Variants in GRIK2 observed in about 807,000 individuals in gnomAD.
The protein encoded by GRIK2 is glutamate ionotropic receptor kainate type subunit 2.
A neutral mutation model predicts 100.3 loss-of-function variants in GRIK2; 32 were observed. The observed-to-expected ratio is 0.32, with a 90% CI of 0.24 to 0.43. GRIK2 has a LOEUF of 0.43. Ranked by LOEUF, GRIK2 falls within the 20% of genes least tolerant of loss-of-function variation. GRIK2 has a pLI of 1.00. For missense variants in GRIK2, 843 were observed against 1,114.9 expected, an observed-to-expected ratio of 0.76 and a Z score of 3.47; for synonymous variants, 417 against 389.4, an observed-to-expected ratio of 1.07 and a Z score of -0.83.
At position 101,846,555 on chromosome 6, in the gene GRIK2, C is replaced by G. The variant is rs148187380; in HGVS notation, c.1318-12732C>G. On this transcript the variant is annotated intron_variant, in intron 10 of 16. Coordinates refer to ENST00000369134, the MANE Select transcript of GRIK2 (RefSeq NM_021956.5). The stretch of plus-strand genomic sequence containing the variant: ...AGAATGGACAAGAAGGTGTTCCCTC[C>G]TGTTTTATTATTTGGAAGAGTTTGA... Among the ~76,000 whole-genome samples the G allele has an allele frequency of 2.2e-3, 328 of 152,064 alleles. 2 individuals carry two copies. The highest frequency in any genetic ancestry group is 7.7e-3 in the African/African-American group (318 of 41,532).
intron 7 of GRIK2, among the ~76,000 whole-genome samples, chr6:101,703,251 A>G (rs1773021614): frequency 6.6e-6 from 1 of 151,894 alleles, no homozygotes; most frequent in Non-Finnish European, 1.5e-5. Flanking sequence ...TATAGTGTGA[A>G]TAGAGGAGTG....
intron 4 of GRIK2, among the ~76,000 whole-genome samples, chr6:101,652,151 C>T (rs1417446554): frequency 6.6e-6 from 1 of 152,064 alleles, no homozygotes; most frequent in Non-Finnish European, 1.5e-5. Context: ...AGTGAGAATG[C>T]AAGGTGCAGT....
At chr6:101,717,920 T>C (rs1044977642) in intron 7 of GRIK2, among the ~76,000 whole-genome samples, 2 of 151,764 alleles carry the variant, frequency 1.3e-5, no homozygotes, top group Admixed American at 1.3e-4. Flanking sequence ...GGTCCATAAA[T>C]AGCTAGTTCC....
chr6:101,446,984 T>TTATA (rs34641126), intron 2 of GRIK2, among the ~76,000 whole-genome samples: 68 of 146,802 alleles, frequency 4.6e-4, no homozygotes, highest in African/African-American at 1.1e-3. Context: ...TATTATATGT[T>TTATA]TATATATATG....
chr6:101,548,543 A>G (rs1776359512), intron 2 of GRIK2, among the ~76,000 whole-genome samples: 1 of 152,202 alleles, frequency 6.6e-6, no homozygotes, highest in African/African-American at 2.4e-5. Context: ...ACATATGGCT[A>G]GCCAGTTTTC....
intron 2 of GRIK2, among the ~76,000 whole-genome samples, chr6:101,557,462 AAG>A (rs1375659328): frequency 6.6e-6 from 1 of 152,218 alleles, no homozygotes; most frequent in Non-Finnish European, 1.5e-5. Context: ...TTATGCACAA[AAG>A]AGATGTGAGG....
chr6:102,027,685 C>T (rs1168576430), intron 14 of GRIK2, among the ~76,000 whole-genome samples: 2 of 151,018 alleles, frequency 1.3e-5, no homozygotes, highest in Non-Finnish European at 3.0e-5. Flanking sequence ...TAGGAGGTTA[C>T]ACAAATATTG....
At chr6:101,755,523 C>A (rs1007467071) in intron 7 of GRIK2, among the ~76,000 whole-genome samples, 1 of 152,130 alleles carries the variant, frequency 6.6e-6, no homozygotes, top group African/African-American at 2.4e-5. Flanking sequence ...AAAATCTTTT[C>A]TACCTAGTCT....
intron 2 of GRIK2, among the ~76,000 whole-genome samples, chr6:101,529,865 T>C (rs1218843972): frequency 6.6e-6 from 1 of 152,120 alleles, no homozygotes; most frequent in Non-Finnish European, 1.5e-5. Flanking sequence ...TATCAAAGGA[T>C]AAATACAATT....
chr6:101,607,134 C>T (rs1223858470), intron 2 of GRIK2, among the ~76,000 whole-genome samples: 1 of 151,892 alleles, frequency 6.6e-6, no homozygotes, highest in Non-Finnish European at 1.5e-5. Context: ...TATGTTGGCT[C>T]TTATGTGTCT....
intron 2 of GRIK2, among the ~76,000 whole-genome samples, chr6:101,488,062 T>C (rs1772919150): frequency 6.8e-6 from 1 of 146,372 alleles, no homozygotes; most frequent in East Asian, 1.9e-4. Flanking sequence ...TATTTGAAAA[T>C]TGAATATAAA....
At chr6:101,662,388 T>C (rs1014975405) in intron 4 of GRIK2, among the ~76,000 whole-genome samples, 6 of 152,210 alleles carry the variant, frequency 3.9e-5, no homozygotes, top group African/African-American at 1.4e-4. Flanking sequence ...ATTGCCACAC[T>C]TGAGTTTCAA....
chr6:101,755,296 G>C (rs1468492848), intron 7 of GRIK2, among the ~76,000 whole-genome samples: 1 of 151,008 alleles, frequency 6.6e-6, no homozygotes, highest in Non-Finnish European at 1.5e-5. Context: ...CCTCCCGAGT[G>C]GCTGGGACTA....
Position 102,065,972 on chromosome 6 carries a change from G to A in GRIK2, c.2563-2375G>A, listed in dbSNP as rs1015381126. 1.6e-5 allele frequency: 18 copies of A among 1,127,598 alleles called. No individual in the cohort carries two copies. In the South Asian group the frequency reaches 4.0e-4, roughly 25 times the overall value. 69.8% of individuals were successfully genotyped at this position (1,127,598 alleles called of 1,614,324 possible). A position where few individuals can be genotyped will look rare whatever the true frequency, so the allele number is the denominator to read the frequency against. ...GAAACACTGTTTCCATATACTGGCTGTCAGGTGCCACATAAATCCTTTAAT... is the reference window on the plus strand; with the variant it reads ...GAAACACTGTTTCCATATACTGGCTATCAGGTGCCACATAAATCCTTTAAT... On this transcript the variant is annotated intron_variant, in intron 16 of 16. Transcript: ENST00000369134.
chr6:101,825,361 C>T (rs1450366988), intron 10 of GRIK2, among the ~76,000 whole-genome samples: 1 of 151,896 alleles, frequency 6.6e-6, no homozygotes, highest in Non-Finnish European at 1.5e-5. Context: ...TATTTTATTT[C>T]TCATATTTTC....
At chr6:101,608,722 A>C (rs1779542354) in intron 2 of GRIK2, among the ~76,000 whole-genome samples, 1 of 151,724 alleles carries the variant, frequency 6.6e-6, no homozygotes, top group South Asian at 2.1e-4. Flanking sequence ...ATAAATATGC[A>C]GTTCACTTCT....
intron 4 of GRIK2, among the ~76,000 whole-genome samples, chr6:101,653,693 G>A (rs540831793): frequency 6.6e-6 from 1 of 151,424 alleles, no homozygotes; most frequent in African/African-American, 2.4e-5. Flanking sequence ...CACTATCTCA[G>A]CTCACTGAAA....
At chr6:101,862,851 G>A (rs2000937) in intron 11 of GRIK2, among the ~76,000 whole-genome samples, 138,058 of 152,192 alleles carry the variant, frequency 0.91, 62,700 homozygotes, top group East Asian at 0.98. Context: ...TTTCCTTTAT[G>A]TACTAATAAT....
intron 14 of GRIK2, among the ~76,000 whole-genome samples, chr6:101,957,295 T>C (rs1562510401): frequency 1.3e-5 from 2 of 151,808 alleles, no homozygotes; most frequent in Non-Finnish European, 2.9e-5. Flanking sequence ...GTATGTCTTA[T>C]TCTGAAAAAT....
Sources: allele counts gnomAD v4.1 joint callset (sites outside exome capture counted in the v4.1 genomes callset), GRCh38; gene constraint gnomAD v4.1.1; transcripts MANE v1.5; gene names NCBI Gene and HGNC (gene_info 2026-07-23, HGNC 2026-07-21).